The following MED23 variants were observed in gnomAD, a reference collection of about 807,000 sequenced individuals.
MED23 encodes mediator of RNA polymerase II transcription subunit 23.
MED23 carries 105 observed loss-of-function variants against 163.9 expected under a neutral mutation model. The ratio of observed to expected loss-of-function variants is 0.64; its 90% CI spans 0.55 to 0.75. The LOEUF (loss-of-function observed/expected upper bound fraction) is 0.75. Ranked by LOEUF, MED23 falls within the 30% of genes least tolerant of loss-of-function variation. The probability of loss-of-function intolerance (pLI) is 0.00; values close to 1 mark genes in which losing one functional copy is unlikely to be tolerated. For synonymous variants in MED23, 561 were observed against 565.6 expected (o/e 0.99, Z 0.12); for missense variants, 1,054 against 1,649.0 (o/e 0.64, Z 6.25).
intron 14 of MED23, 135 bp downstream of exon 14, chr6:131,605,105 T>C: frequency 1.1e-6 from 1 of 884,874 alleles, no homozygotes; most frequent in African/African-American, 1.7e-5. Flanking sequence ...ACTTTTGTAA[T>C]AAAATAAAGC....
rs1335654932 is a variant in MED23 at position 131,596,678 on chromosome 6, C to T, written c.2618G>A (p.Ser873Asn). The T allele has an allele frequency of 6.2e-7, 1 of 1,614,024 alleles. No individual in the cohort carries two copies. Among genetic ancestry groups the T allele is most frequent in the Non-Finnish European group, 8.5e-7 (1 of 1,179,978 alleles). The change falls in exon 21 of 29, where the codon AGT becomes AAT. Residue 873 changes from serine (S) to asparagine (N), a missense_variant. By Grantham distance (46) the Ser-to-Asn change is conservative. Transcript: ENST00000368068. Reference protein sequence around the residue: ...DRLILCLAMRSHEGNEAQVCY... With the variant: ...DRLILCLAMRNHEGNEAQVCY... ...AACCTGGGCTTCATTTCCTTCGTGA[C>T]TACGCATGGCCTTTGAAAAACAACA...
chr6:131,603,270 A>C lies in MED23; in HGVS notation c.1757-66T>G, dbSNP rs553723474. On this transcript the variant is annotated intron_variant, in intron 15 of 28. Coordinates refer to ENST00000368068, the MANE Select transcript of MED23 (RefSeq NM_004830.4). ...CTATGCATGAAAAGATATTTGAAGA[A>C]AGTCACATTGAGTAAAATATAAAGA... The C allele has an allele frequency of 4.9e-5, 72 of 1,465,416 alleles. No homozygotes were observed. In the African/African-American group the frequency reaches 6.8e-4, roughly 14 times the overall value. 90.8% of individuals were successfully genotyped at this position (1,465,416 alleles called of 1,614,324 possible). A position where few individuals can be genotyped will look rare whatever the true frequency, so the allele number is the denominator to read the frequency against.
chr6:131,594,889 C>T (rs896222123), intron 22 of MED23, among the ~76,000 whole-genome samples: 3 of 152,338 alleles, frequency 2.0e-5, no homozygotes, highest in African/African-American at 4.8e-5. Context: ...GTAACACTGG[C>T]TGCCTACGAA....
rs80232341 is a variant in MED23 at position 131,594,416 on chromosome 6, A to G, written c.2996-81T>C. 5,291 of 1,040,136 alleles carry G rather than the reference A, an allele frequency of 5.1e-3. 160 individuals carry two copies. The African/African-American group carries it at 0.066, about 13-fold the overall frequency. 64.4% of individuals were successfully genotyped at this position (1,040,136 alleles called of 1,614,324 possible). ...AAAACTGATCAACTGCTTTCCAGAT[A>G]ACTGAAAAACAGCTCAGAAGATTTA... On this transcript the variant is annotated intron_variant, in intron 22 of 28. Coordinates refer to ENST00000368068, the MANE Select transcript of MED23 (RefSeq NM_004830.4).
chr6:131,627,975 A>G (rs758193599), intron 1 of MED23, 36 bp downstream of exon 1: 38 of 1,613,570 alleles, frequency 2.4e-5, no homozygotes, highest in Non-Finnish European at 3.1e-5. Flanking sequence ...CCCCGTCCCC[A>G]AGCCGTAGTC....
chr6:131,608,195 G>T, intron 11 of MED23, 124 bp from the exon 12 acceptor site: 1 of 1,048,132 alleles, frequency 9.5e-7, no homozygotes, highest in Non-Finnish European at 1.4e-6. Context: ...GAGAAAGTCA[G>T]CATCTAACTT....
At chr6:131,579,994 G>T (rs1281956230) in intron 30 of MED23, among the ~76,000 whole-genome samples, 1 of 152,092 alleles carries the variant, frequency 6.6e-6, no homozygotes, top group Non-Finnish European at 1.5e-5. Flanking sequence ...TCATCAAGGG[G>T]TTACATCGCT....
intron 5 of MED23, 140 bp downstream of exon 5, chr6:131,623,211 T>G: frequency 1.3e-6 from 1 of 762,402 alleles, no homozygotes; most frequent in Admixed American, 2.2e-5. Flanking sequence ...ACTTTAAATC[T>G]TTTCAGGAAA....
chr6:131,600,873 G>A (rs1775423042), intron 17 of MED23, among the ~76,000 whole-genome samples: 1 of 152,186 alleles, frequency 6.6e-6, no homozygotes, highest in Non-Finnish European at 1.5e-5. Context: ...TCCAGCACAT[G>A]CACTCAGTGA....
chr6:131,585,848 A>G (rs1176858106), downstream of MED23, among the ~76,000 whole-genome samples: 1 of 152,230 alleles, frequency 6.6e-6, no homozygotes, highest in Non-Finnish European at 1.5e-5. Flanking sequence ...CAGGGAAATT[A>G]TATTCCCATG....
intron 17 of MED23, among the ~76,000 whole-genome samples, chr6:131,600,517 A>C (rs182112463): frequency 2.0e-4 from 31 of 152,382 alleles, no homozygotes; most frequent in African/African-American, 6.3e-4. Context: ...AGAATAAAGA[A>C]AGATATCTTT....
chr6:131,604,124 T>G (rs1224085042), intron 15 of MED23, 54 bp downstream of exon 15: 3 of 1,598,640 alleles, frequency 1.9e-6, no homozygotes, highest in Non-Finnish European at 2.6e-6. Flanking sequence ...GAAAAGTAAC[T>G]TTAGAGTTAA....
Position 131,589,516 on chromosome 6 carries a change from G to A in MED23, c.3888C>T (p.Asp1296=). The change falls in exon 28 of 29, where the codon GAC becomes GAT. Residue 1296 remains aspartate (D), a synonymous_variant. Transcript: ENST00000368068. Reference sequence around the variant, plus strand: ...ACATATACTTCATGTGATAGAGGAAGTCACAGATGGGATCCATGTAATTTA... The same window carrying A: ...ACATATACTTCATGTGATAGAGGAAATCACAGATGGGATCCATGTAATTTA... ...THLNYMDPIC[D]FLYHMKYMFT... is the part of the protein sequence containing the mutation. The A allele has an allele frequency of 1.2e-6, 2 of 1,613,648 alleles. No homozygotes were observed. The highest frequency in any genetic ancestry group is 1.7e-6 in the Non-Finnish European group (2 of 1,179,614).
chr6:131,582,983 T>A (rs1774012101), downstream of MED23: 4 of 1,020,002 alleles, frequency 3.9e-6, no homozygotes. Context: ...TTTACTATAT[T>A]TATATTTCCC....
In MED23 at chr6:131,600,030, C is replaced by A. The variant is rs755731826; in HGVS notation, c.2220+8G>T. ...GTGCATTCAATAAGTAATTCAAGAC[C>A]AAATTACCTGTAGTGGGCCTGGAAA... On this transcript the variant is annotated splice_region_variant and intron_variant, in intron 18 of 28. Coordinates refer to ENST00000368068, the MANE Select transcript of MED23 (RefSeq NM_004830.4). 3 of 1,613,916 alleles carry A rather than the reference C, an allele frequency of 1.9e-6. No homozygotes were observed. In the South Asian group the frequency reaches 3.3e-5, roughly 18 times the overall value.
At chr6:131,604,027 C>T (rs536724187) in intron 15 of MED23, 151 bp downstream of exon 15, 98 of 766,840 alleles carry the variant, frequency 1.3e-4, no homozygotes, top group East Asian at 2.6e-5. Context: ...TATCATCTGA[C>T]ATATTGTATA....
At chr6:131,607,192 A>T (rs1158735091) in intron 12 of MED23, among the ~76,000 whole-genome samples, 1 of 151,788 alleles carries the variant, frequency 6.6e-6, no homozygotes, top group Non-Finnish European at 1.5e-5. Context: ...GATGATGGGT[A>T]TAACATGGTG....
chr6:131,611,726 G>T (rs1346994481), intron 10 of MED23, among the ~76,000 whole-genome samples: 1 of 152,056 alleles, frequency 6.6e-6, no homozygotes. Flanking sequence ...GTAAAGCCAG[G>T]ATTTCCAGTA....
intron 21 of MED23, 42 bp from the exon 22 acceptor site, chr6:131,596,205 A>T (rs529820355): frequency 7.6e-4 from 1,189 of 1,563,618 alleles, no homozygotes; most frequent in Non-Finnish European, 9.4e-4. Flanking sequence ...AGCATTTTTT[A>T]AAAAATTCTC....
Sources: gnomAD v4.1 joint callset for allele counts (sites outside exome capture counted in the v4.1 genomes callset) on GRCh38, gnomAD v4.1.1 for gene constraint, MANE v1.5 for transcripts, NCBI Gene and HGNC (gene_info 2026-07-23, HGNC 2026-07-21) for gene names.